Variants in NPC1 observed in about 807,000 individuals in gnomAD.
NPC1 encodes NPC intracellular cholesterol transporter 1.
Under a neutral mutation model 140.4 loss-of-function variants are expected in NPC1, and 85 were observed. The observed-to-expected ratio is 0.61, with a 90% CI of 0.51 to 0.72. The LOEUF is 0.72. Ranked by LOEUF, NPC1 falls within the 30% of genes least tolerant of loss-of-function variation. NPC1 has a pLI of 0.00. For synonymous variants in NPC1, 656 were observed against 624.8 expected (o/e 1.05, Z -0.74); for missense variants, 1,504 against 1,623.8 (o/e 0.93, Z 1.27).
rs774804572 is a variant in NPC1 at position 23,541,289 on chromosome 18, T to C, written c.2373+17A>G. On this transcript the variant is annotated intron_variant, in intron 15 of 24. Coordinates refer to ENST00000269228, the MANE Select transcript of NPC1 (RefSeq NM_000271.5). ...TAGACTCAAATTAAATAGACTATAA[T>C]CCTGGCACCAACTTACCTCTTGACG... 6.2e-7 allele frequency: 1 copy of C among 1,614,226 alleles called. No homozygotes were observed. The highest frequency in any genetic ancestry group is 8.5e-7 in the Non-Finnish European group (1 of 1,180,042).
In NPC1 at chr18:23,544,519, G is replaced by A. The variant is rs765652543; in HGVS notation, c.1955C>T (p.Ser652Leu). The A allele has an allele frequency of 8.1e-6, 13 of 1,613,992 alleles. No homozygotes were observed. The highest frequency in any genetic ancestry group is 3.3e-5 in the Admixed American group (2 of 59,990). Residue 652 changes from serine to leucine, a missense_variant, in exon 13 of 25, where the codon TCG becomes TTG. Physicochemically the swap from Ser to Leu is moderately radical, Grantham distance 145. Transcript: ENST00000269228. ...GCCCGCGATGCCTAGTGAGACCTTC[G>A]AATCCACCTGAGAGAGGCGACAGAC... ...MKSCRRLLVD[S>L]KVSLGIAGIL...
At chr18:23,576,753 C>T (rs1478973199) in intron 1 of NPC1, 8 of 159,112 alleles carry the variant, frequency 5.0e-5, no homozygotes, top group African/African-American at 1.7e-4. Flanking sequence ...CTTAAGGCAG[C>T]GCGTCTGGAG....
rs1462723069 is a variant in NPC1 at position 23,534,492 on chromosome 18, C to T, written c.3545G>A (p.Ser1182Asn). The change falls in exon 23 of 25, where the codon AGC becomes AAC. Residue 1182 changes from serine (S) to asparagine (N), a missense_variant. Physicochemically the swap from Ser to Asn is conservative, Grantham distance 46. Transcript: ENST00000269228. ...TGCCTCTTCCGCGCGCTCCACGCGG[C>T]TGCCTTTCATGCTCACCGTGAACGC... Reference protein sequence around the residue: ...TRAFTVSMKGSRVERAEEALA... With the variant: ...TRAFTVSMKGNRVERAEEALA... The T allele has an allele frequency of 2.5e-6, 4 of 1,614,014 alleles. No homozygotes were observed. Among genetic ancestry groups the T allele is most frequent in the Admixed American group, 1.7e-5 (1 of 60,010 alleles).
At chr18:23,510,175 T>G (rs1348113733) in intron 3 of NPC1, among the ~76,000 whole-genome samples, 1 of 151,372 alleles carries the variant, frequency 6.6e-6, no homozygotes, top group African/African-American at 2.4e-5. Context: ...ATACAAAATG[T>G]TAGTCAGGCA....
chr18:23,549,703 A>C (rs2058839553), intron 10 of NPC1, among the ~76,000 whole-genome samples: 1 of 148,578 alleles, frequency 6.7e-6, no homozygotes, highest in African/African-American at 2.5e-5. Context: ...ACATGACCTC[A>C]CCCACTTTTC....
At position 23,532,255 on chromosome 18, in the gene NPC1, CACA is replaced by C. The variant is rs1482228628; in HGVS notation, c.3781_3783del (p.Cys1261del). On this transcript the variant is annotated inframe_deletion, in exon 25 of 25. Transcript: ENST00000269228. ...GTTCCTTTGTATCGCTCTTCAGTGG[CACA>C]ACTTTTGGCTTTATTTACTGATGGC... The C allele has an allele frequency of 6.2e-7, 1 of 1,614,142 alleles. No individual in the cohort carries two copies. The highest frequency in any genetic ancestry group is 2.2e-5 in the East Asian group (1 of 44,878).
At chr18:23,549,968 C>G (rs2058845013) in intron 10 of NPC1, among the ~76,000 whole-genome samples, 2 of 150,124 alleles carry the variant, frequency 1.3e-5, no homozygotes, top group Admixed American at 6.6e-5. Flanking sequence ...GAGATGAGAT[C>G]TTTATTTATT....
At chr18:23,531,025 C>T (rs1037164199), downstream of NPC1, among the ~76,000 whole-genome samples, 14 of 151,888 alleles carry the variant, frequency 9.2e-5, no homozygotes, top group Admixed American at 1.3e-4. Flanking sequence ...GACAGAGTCT[C>T]GCTCCGTTGC....
At chr18:23,506,230 CTG>C (rs1007954702) in exon 4 of NPC1, 3 of 150,908 alleles carry the variant, frequency 2.0e-5, no homozygotes, top group African/African-American at 7.3e-5. Flanking sequence ...ACATAATAAA[CTG>C]TACACACTTA....
downstream of NPC1, chr18:23,518,739 T>C (rs1414535967): frequency 1.6e-6 from 1 of 638,090 alleles, no homozygotes; most frequent in East Asian, 2.7e-5. Context: ...TAATAGGCTT[T>C]GAGTAACTGC....
At chr18:23,556,819 AGAG>A (rs1480177179) in intron 7 of NPC1, among the ~76,000 whole-genome samples, 1 of 152,198 alleles carries the variant, frequency 6.6e-6, no homozygotes, top group East Asian at 1.9e-4. Context: ...CCCACCCCAC[AGAG>A]GAGATGCCGA....
chr18:23,524,037 G>A, intron 1 of NPC1: 2 of 1,313,566 alleles, frequency 1.5e-6, no homozygotes, highest in Admixed American at 3.4e-5. Flanking sequence ...ATTTCGTAAT[G>A]ACATTAAAAA....
At chr18:23,532,380 C>T (rs2058541460) in intron 24 of NPC1, 96 bp from the exon 25 acceptor site, 1 of 1,357,280 alleles carries the variant, frequency 7.4e-7, no homozygotes, top group African/African-American at 1.4e-5. Flanking sequence ...CTTTGGAAGA[C>T]TGAGGCAGGA....
intron 24 of NPC1, chr18:23,532,858 T>G (rs1302163910): frequency 1.0e-6 from 1 of 985,050 alleles, no homozygotes; most frequent in Non-Finnish European, 1.2e-6. Context: ...GTATTGTTCT[T>G]TCAACCGTGG....
chr18:23,542,023 T>C (rs2058719403), intron 14 of NPC1, among the ~76,000 whole-genome samples: 1 of 152,146 alleles, frequency 6.6e-6, no homozygotes, highest in Non-Finnish European at 1.5e-5. Flanking sequence ...AAATCTAGAT[T>C]CACAGCTTTG....
downstream of NPC1, chr18:23,529,177 A>G: frequency 6.2e-7 from 1 of 1,608,150 alleles, no homozygotes; most frequent in Non-Finnish European, 8.5e-7. Context: ...TTTTTCTTTC[A>G]GGCGGTGGAA....
intron 3 of NPC1, chr18:23,506,904 T>A (rs2057730915): frequency 8.8e-7 from 1 of 1,132,194 alleles, no homozygotes; most frequent in Non-Finnish European, 1.3e-6. Context: ...GTCTTTTGCC[T>A]TTTCAATAAA....
chr18:23,524,383 T>G, downstream of NPC1: 1 of 1,607,640 alleles, frequency 6.2e-7, no homozygotes. Flanking sequence ...TGGGTTTGCT[T>G]TTTGTTTTCA....
chr18:23,582,543 TG>T (rs2059368516), intron 1 of NPC1, among the ~76,000 whole-genome samples: 1 of 152,202 alleles, frequency 6.6e-6, no homozygotes, highest in South Asian at 2.1e-4. Flanking sequence ...GGCTCACACC[TG>T]TAATCCCAGC....
Sources: gnomAD v4.1 joint callset for allele counts (sites outside exome capture counted in the v4.1 genomes callset) on GRCh38, gnomAD v4.1.1 for gene constraint, MANE v1.5 for transcripts, NCBI Gene and HGNC (gene_info 2026-07-23, HGNC 2026-07-21) for gene names.